The following APBB2 variants were observed in gnomAD, a reference collection of about 807,000 sequenced individuals.
APBB2 encodes the protein Fe65-like 1.
APBB2 carries 38 observed loss-of-function variants against 82.5 expected under a neutral mutation model. The observed-to-expected ratio is 0.46, with a 90% confidence interval of 0.36 to 0.60. The LOEUF (loss-of-function observed/expected upper bound fraction) is 0.60, where lower values mean the gene tolerates loss of function less well. Among genes scored for constraint, APBB2 ranks in the 20% least tolerant of loss-of-function variants. The pLI, the probability that APBB2 is intolerant of heterozygous loss-of-function variation, is 0.00. For missense variants in APBB2, 772 were observed against 972.3 expected (o/e 0.79, Z 2.74); for synonymous variants, 341 against 368.2 (o/e 0.93, Z 0.85).
At chr4:41,202,444 A>AT (rs1447762794) in intron 1 of APBB2, among the ~76,000 whole-genome samples, 4 of 152,158 alleles carry the variant, frequency 2.6e-5, no homozygotes, top group African/African-American at 9.7e-5. Flanking sequence ...CACAAGAATT[A>AT]TTTTTTCCCT....
intron 2 of APBB2, among the ~76,000 whole-genome samples, chr4:41,105,900 A>G (rs1029020387): frequency 1.3e-5 from 2 of 151,946 alleles, no homozygotes; most frequent in African/African-American, 4.8e-5. Context: ...AAAAAAAAAA[A>G]AGAATTAACC....
intron 3 of APBB2, among the ~76,000 whole-genome samples, chr4:41,073,264 A>C (rs1734498888): frequency 6.6e-6 from 1 of 152,172 alleles, no homozygotes; most frequent in South Asian, 2.1e-4. Context: ...AAAAACCTAG[A>C]ATGTAAAAAT....
chr4:40,894,855 G>C (rs1773207192), intron 10 of APBB2, among the ~76,000 whole-genome samples: 1 of 152,170 alleles, frequency 6.6e-6, no homozygotes, highest in Non-Finnish European at 1.5e-5. Context: ...CCTTGCTGGT[G>C]ATCACCAGGG....
chr4:40,995,548 ATTTT>A (rs58607232), intron 6 of APBB2, among the ~76,000 whole-genome samples: 1 of 142,596 alleles, frequency 7.0e-6, no homozygotes, highest in Non-Finnish European at 1.5e-5. Flanking sequence ...AAAAAAAAAA[ATTTT>A]TTTTTTTTTT....
At chr4:40,906,910 G>A (rs1021273776) in intron 10 of APBB2, among the ~76,000 whole-genome samples, 2 of 152,090 alleles carry the variant, frequency 1.3e-5, no homozygotes, top group Non-Finnish European at 2.9e-5. Flanking sequence ...GAGAGTGTGT[G>A]TATATACATG....
chr4:40,977,065 C>G (rs954337589), intron 6 of APBB2, among the ~76,000 whole-genome samples: 10 of 151,846 alleles, frequency 6.6e-5, no homozygotes, highest in Non-Finnish European at 1.5e-5. Context: ...GATTTTCATT[C>G]AAATTATTAA....
chr4:40,921,936 C>A (rs552407667), intron 10 of APBB2, among the ~76,000 whole-genome samples: 2 of 152,154 alleles, frequency 1.3e-5, no homozygotes, highest in African/African-American at 4.8e-5. Flanking sequence ...TCCTGAGCAG[C>A]GTGTCTGCCG....
At chr4:41,095,737 C>T (rs1743262891) in intron 3 of APBB2, among the ~76,000 whole-genome samples, 1 of 152,172 alleles carries the variant, frequency 6.6e-6, no homozygotes, top group African/African-American at 2.4e-5. Context: ...GAACAATCTA[C>T]ACAACCTCAC....
chr4:41,120,923 C>T (rs1339651650), intron 2 of APBB2, among the ~76,000 whole-genome samples: 1 of 152,126 alleles, frequency 6.6e-6, no homozygotes, highest in Non-Finnish European at 1.5e-5. Flanking sequence ...AAGCTCCTGG[C>T]TTTATATACA....
intron 6 of APBB2, among the ~76,000 whole-genome samples, chr4:40,987,676 C>T (rs1318291178): frequency 1.3e-5 from 2 of 152,126 alleles, no homozygotes; most frequent in African/African-American, 4.8e-5. Context: ...GGTTGATGGC[C>T]ACAAAATGGA....
At chr4:40,934,766 A>C in intron 8 of APBB2, 67 bp from the exon 9 acceptor site, 1 of 1,167,802 alleles carries the variant, frequency 8.6e-7, no homozygotes, top group South Asian at 1.3e-5. Flanking sequence ...TCAAATATCA[A>C]AGGGGAGAAA....
chr4:41,100,252 CA>C (rs1379370030), intron 3 of APBB2, among the ~76,000 whole-genome samples: 2 of 152,116 alleles, frequency 1.3e-5, no homozygotes, highest in Non-Finnish European at 1.5e-5. Context: ...AATTCAGAAC[CA>C]AAAAGCCTAT....
intron 4 of APBB2, among the ~76,000 whole-genome samples, chr4:41,044,529 T>A (rs879918058): frequency 2.0e-5 from 3 of 152,230 alleles, no homozygotes; most frequent in African/African-American, 7.2e-5. Flanking sequence ...TAGGAGGAGC[T>A]CATGAGGAGC....
At chr4:40,854,790 C>CAAAAAAAAAAAAA (rs80240731) in intron 12 of APBB2, among the ~76,000 whole-genome samples, 4 of 124,822 alleles carry the variant, frequency 3.2e-5, no homozygotes, top group African/African-American at 9.5e-5. Flanking sequence ...AGTCCATCTC[C>CAAAAAAAAAAAAA]AAAAAAAAAA....
chr4:40,996,208 A>T (rs6840393), intron 6 of APBB2, among the ~76,000 whole-genome samples: 60,352 of 152,090 alleles, frequency 0.4, 12,097 homozygotes, highest in Middle Eastern at 0.47. Flanking sequence ...GGTGAATGAG[A>T]TATCTAGCCA....
Position 40,812,148 on chromosome 4 carries a change from A to AAAT in APBB2, c.*3941_*3943dup, listed in dbSNP as rs1213429834. 3 of 152,356 alleles carry AAAT rather than the reference A, an allele frequency of 2.0e-5. No individual in the cohort carries two copies. In the East Asian group the frequency reaches 5.8e-4, roughly 29 times the overall value. 9.4% of individuals were successfully genotyped at this position (152,356 alleles called of 1,614,324 possible). A position where few individuals can be genotyped will look rare whatever the true frequency, so the allele number is the denominator to read the frequency against. ...TTACTTCCTAGTTCTTACCAGGCAG[A>AAAT]AATATGTAGTAACTAATCAAAGCAA... On this transcript the variant is annotated 3_prime_UTR_variant, in exon 18 of 18. Transcript: ENST00000508593.
intron 2 of APBB2, among the ~76,000 whole-genome samples, chr4:41,108,290 G>A (rs1302834613): frequency 6.6e-6 from 1 of 152,128 alleles, no homozygotes; most frequent in African/African-American, 2.4e-5. Context: ...AGATCATAAA[G>A]GAGCTAATGG....
intron 12 of APBB2, chr4:40,880,907 T>C: frequency 1.0e-6 from 1 of 984,998 alleles, no homozygotes; most frequent in Non-Finnish European, 1.2e-6. Flanking sequence ...CAGGAGAAAC[T>C]GTCGCCTTCA....
At chr4:41,063,963 T>TTTC (rs1730744553) in intron 4 of APBB2, among the ~76,000 whole-genome samples, 1 of 144,540 alleles carries the variant, frequency 6.9e-6, no homozygotes, top group East Asian at 2.0e-4. Context: ...TTTTTTTTTT[T>TTTC]TTTTTTTTTT....
Sources: allele counts gnomAD v4.1 joint callset (sites outside exome capture counted in the v4.1 genomes callset), GRCh38; gene constraint gnomAD v4.1.1; transcripts MANE v1.5; gene names NCBI Gene and HGNC (gene_info 2026-07-23, HGNC 2026-07-21).